Variants in NFATC4 observed in about 807,000 individuals in gnomAD.
NFATC4 encodes the protein nuclear factor of activated T-cells, cytoplasmic 4.
In NFATC4, 25 loss-of-function variants were observed where a neutral mutation model predicts 73.4. The ratio of observed to expected loss-of-function variants is 0.34; its 90% confidence interval spans 0.25 to 0.48. The LOEUF is 0.48. Ranked by LOEUF, NFATC4 falls within the 20% of genes least tolerant of loss-of-function variation. The pLI, the probability that NFATC4 is intolerant of heterozygous loss-of-function variation, is 0.99. For missense variants in NFATC4, 1,130 were observed against 1,203.7 expected, an observed-to-expected ratio of 0.94 and a Z score of 0.91; for synonymous variants, 523 against 510.3, an observed-to-expected ratio of 1.02 and a Z score of -0.34.
In NFATC4 at chr14:24,369,986, C is replaced by T. The variant is rs1244851222; in HGVS notation, c.588C>T (p.Asp196=). 2 of 1,612,912 alleles carry T rather than the reference C, an allele frequency of 1.2e-6. No individual in the cohort carries two copies. Among genetic ancestry groups the T allele is most frequent in the South Asian group, 1.1e-5 (1 of 91,092 alleles). Residue 196 remains aspartate (D), a synonymous_variant, in exon 2 of 10, where the codon GAC becomes GAT. Transcript: ENST00000250373. ...SDEAALYAAC[D]EVESELNEAA... ...AGGCAGCCCTGTATGCAGCCTGCGA[C>T]GAGGTGGAGTCTGAGCTAAATGAGG...
Position 24,376,869 on chromosome 14 carries a change from C to T in NFATC4, c.2632C>T (p.Leu878=), listed in dbSNP as rs1225093590. Residue 878 remains leucine, a synonymous_variant, in exon 9 of 10, where the codon CTG becomes TTG. Transcript: ENST00000250373. This position sits in a 1 kb window ranked among gnomAD's most constrained non-coding sequence, Gnocchi z 5.0. The part of the protein sequence containing the change: ...RDSVPIQGIT[L]EEVSEIIGRD... Reference sequence around the variant, plus strand: ...CAGTGTCCCTATCCAGGGTATCACGCTGGAGGAAGGTGGGTGTGGGACTGG... The same window carrying T: ...CAGTGTCCCTATCCAGGGTATCACGTTGGAGGAAGGTGGGTGTGGGACTGG... 1.3e-6 allele frequency: 2 copies of T among 1,564,570 alleles called. No homozygotes were observed. The highest frequency in any genetic ancestry group is 2.4e-5 in the South Asian group (2 of 82,756).
Position 24,378,283 on chromosome 14 carries a change from TG to T in NFATC4, c.*583del, listed in dbSNP as rs1418440440. Reference sequence around the variant, plus strand: ...GAGTAGGCCTCTCCACTCTCCTCCTTGGGGGTCCAGATTCCTTAGGAGCTTT... The same window carrying T: ...GAGTAGGCCTCTCCACTCTCCTCCTTGGGGTCCAGATTCCTTAGGAGCTTT... On this transcript the variant is annotated 3_prime_UTR_variant, in exon 10 of 10. Coordinates refer to ENST00000250373, the MANE Select transcript of NFATC4 (RefSeq NM_004554.5). 28 of 157,470 alleles carry T rather than the reference TG, an allele frequency of 1.8e-4. No homozygotes were observed. The highest frequency in any genetic ancestry group is 3.1e-4 in the Non-Finnish European group (22 of 70,530). The allele number at this position is 157,470 out of a possible 1,614,324, so 9.8% of individuals were successfully genotyped here. A position where few individuals can be genotyped will look rare whatever the true frequency, so the allele number is the denominator to read the frequency against.
Position 24,373,496 on chromosome 14 carries a change from G to C in NFATC4, c.1559+126G>C. On this transcript the variant is annotated intron_variant, in intron 4 of 9. Transcript: ENST00000250373. This position sits in a 1 kb window ranked among gnomAD's most constrained non-coding sequence, Gnocchi z 4.7. ...CATTTTTCCTAGGAGCTGGCTTCAG[G>C]CCTACCCACCATCTGGAAGAGGACT... 1 of 1,381,044 alleles carries C rather than the reference G, an allele frequency of 7.2e-7. No individual in the cohort carries two copies. Among genetic ancestry groups the C allele is most frequent in the Non-Finnish European group, 9.9e-7 (1 of 1,010,076 alleles). 85.5% of individuals were successfully genotyped at this position (1,381,044 alleles called of 1,614,324 possible). A position where few individuals can be genotyped will look rare whatever the true frequency, so the allele number is the denominator to read the frequency against.
Position 24,379,417 on chromosome 14 carries a change from G to A in NFATC4, c.*1712G>A, listed in dbSNP as rs1444046576. On this transcript the variant is annotated 3_prime_UTR_variant, in exon 10 of 10. Transcript: ENST00000250373. ...TCTGAGAGAGGGTGGATCAGCCTCT[G>A]TGTAAACAAAAAGCTGTTAGGACTT... 2.6e-5 allele frequency: 4 copies of A among 152,144 alleles called. No individual in the cohort carries two copies. Among genetic ancestry groups the A allele is most frequent in the African/African-American group, 9.7e-5 (4 of 41,398 alleles). The allele number at this position is 152,144 out of a possible 1,614,324, so 9.4% of individuals were successfully genotyped here.
At chr14:24,367,153 C>T, upstream of NFATC4, 2 of 1,613,954 alleles carry the variant, frequency 1.2e-6, no homozygotes, top group South Asian at 2.2e-5. Context: ...ACAACCCAGG[C>T]CTCTCCAAGC....
At chr14:24,372,688 C>A in intron 3 of NFATC4, 85 bp downstream of exon 3, 1 of 1,538,560 alleles carries the variant, frequency 6.5e-7, no homozygotes, top group Non-Finnish European at 8.9e-7. Context: ...TGCCCTTTCC[C>A]ACACTCCCTC....
Position 24,376,891 on chromosome 14 carries a change from C to CT in NFATC4, c.2641+14dup, listed in dbSNP as rs545800363. The CT allele has an allele frequency of 2.7e-4, 412 of 1,541,666 alleles. 5 individuals carry two copies. The South Asian group carries it at 4.5e-3, about 17-fold the overall frequency. On this transcript the variant is annotated intron_variant, in intron 9 of 9. Transcript: ENST00000250373. The surrounding 1 kb of genome is among the most constrained non-coding windows in gnomAD (Gnocchi z 5.0). ...ACGCTGGAGGAAGGTGGGTGTGGGA[C>CT]TGGGGGCTGTGAGTGTGAGTGTGTG...
chr14:24,367,420 G>T (rs916363727), upstream of NFATC4: 4 of 1,535,534 alleles, frequency 2.6e-6, no homozygotes, highest in Admixed American at 2.0e-5. Flanking sequence ...GCTAATTCAC[G>T]GCCCCTCTGG....
At chr14:24,368,571 A>C in intron 1 of NFATC4, 131 bp downstream of exon 1, 5 of 762,732 alleles carry the variant, frequency 6.6e-6, no homozygotes, top group Non-Finnish European at 6.3e-6. Flanking sequence ...AGTCGGGGGG[A>C]CTCGTTGGCC....
upstream of NFATC4, chr14:24,367,086 C>T (rs566132815): frequency 1.2e-6 from 2 of 1,613,922 alleles, no homozygotes; most frequent in South Asian, 2.2e-5. Context: ...CTCCTACCCG[C>T]CAGCCTCGCC....
chr14:24,376,378 A>G lies in NFATC4; in HGVS notation c.2141A>G (p.Asp714Gly), dbSNP rs74036618. 2.4e-4 allele frequency: 383 copies of G among 1,612,304 alleles called. 1 individual carries two copies. In the African/African-American group the frequency reaches 4.8e-3, roughly 20 times the overall value. Residue 714 changes from aspartate (D) to glycine (G), a missense_variant, in exon 9 of 10, where the codon GAC becomes GGC. Physicochemically the swap from Asp to Gly is moderately conservative, Grantham distance 94 (BLOSUM62 -1). Transcript: ENST00000250373. This position sits in a 1 kb window ranked among gnomAD's most constrained non-coding sequence, Gnocchi z 5.0. Reference sequence around the variant, plus strand: ...GCAACCCCCTTTGGCACTGACATGGACTTCTCACCACCCAGGCCCCCCTAC... The same window carrying G: ...GCAACCCCCTTTGGCACTGACATGGGCTTCTCACCACCCAGGCCCCCCTAC... The part of the protein sequence containing the change: ...ASATPFGTDM[D>G]FSPPRPPYPS...
In NFATC4 at chr14:24,376,272, C is replaced by T. The variant is rs377606452; in HGVS notation, c.2057-22C>T. 6.4e-7 allele frequency: 1 copy of T among 1,557,684 alleles called. No individual in the cohort carries two copies. Among genetic ancestry groups the T allele is most frequent in the Non-Finnish European group, 8.7e-7 (1 of 1,151,674 alleles). ...CTACCAGACCTCTCACCAGCATGTC[C>T]TCCCACTTCCTGTCTTCCCAGTGAT... On this transcript the variant is annotated intron_variant, in intron 8 of 9. Transcript: ENST00000250373. The surrounding 1 kb of genome is among the most constrained non-coding windows in gnomAD (Gnocchi z 5.0).
chr14:24,377,532 A>G lies in NFATC4; in HGVS notation c.2642-106A>G. The G allele has an allele frequency of 2.5e-6, 4 of 1,569,276 alleles. No individual in the cohort carries two copies. Among genetic ancestry groups the G allele is most frequent in the East Asian group, 2.3e-5 (1 of 43,840 alleles). ...ATAGAAGCCAGTAGAGGAGGAATCT[A>G]GAGGCCTCCTAGATTAAGACCTGCC... On this transcript the variant is annotated intron_variant, in intron 9 of 9. Coordinates refer to ENST00000250373, the MANE Select transcript of NFATC4 (RefSeq NM_004554.5). This position sits in a 1 kb window ranked among gnomAD's most constrained non-coding sequence, Gnocchi z 4.2.
intron 6 of NFATC4, 77 bp downstream of exon 6, chr14:24,374,543 C>G (rs1034289106): frequency 1.1e-5 from 16 of 1,439,440 alleles, no homozygotes; most frequent in Admixed American, 2.1e-5. Flanking sequence ...GGCATTGTCA[C>G]TAAACTGGCC....
At chr14:24,369,023 A>T in intron 1 of NFATC4, 1 of 1,249,114 alleles carries the variant, frequency 8.0e-7, no homozygotes, top group Non-Finnish European at 1.0e-6. Context: ...TGGCGAGGAG[A>T]GAGGGAGGAG....
rs568205566 is a variant in NFATC4, at chr14:24,376,652, C to G, written c.2415C>G (p.Phe805Leu). The G allele has an allele frequency of 6.2e-7, 1 of 1,613,438 alleles. No homozygotes were observed. The highest frequency in any genetic ancestry group is 1.3e-5 in the African/African-American group (1 of 74,988). ...CCTCTTTCTCCCTGGGGCTGCCATT[C>G]TCTCCGCCAGCCCCCTTTCGGCCGC... ...RGSSFSLGLP[F>L]SPPAPFRPPP... is the part of the protein sequence containing the mutation. The change falls in exon 9 of 10, where the codon TTC becomes TTG. Residue 805 changes from phenylalanine (F) to leucine (L), a missense_variant. Transcript: ENST00000250373. The surrounding 1 kb of genome is among the most constrained non-coding windows in gnomAD (Gnocchi z 5.0).
chr14:24,377,807 C>A lies in NFATC4; in HGVS notation c.*102C>A. 1 of 1,586,788 alleles carries A rather than the reference C, an allele frequency of 6.3e-7. No homozygotes were observed. The highest frequency in any genetic ancestry group is 8.6e-7 in the Non-Finnish European group (1 of 1,165,180). On this transcript the variant is annotated 3_prime_UTR_variant, in exon 10 of 10. Transcript: ENST00000250373. The surrounding 1 kb of genome is among the most constrained non-coding windows in gnomAD (Gnocchi z 4.2). Reference sequence around the variant, plus strand: ...TGGCTACAGAAGCTTGGGGCCAACCCTGGCTCCTCTTTCCCCAGCTTCTGT... The same window carrying A: ...TGGCTACAGAAGCTTGGGGCCAACCATGGCTCCTCTTTCCCCAGCTTCTGT...
At chr14:24,368,005 T>TTG, upstream of NFATC4, 1 of 893,822 alleles carries the variant, frequency 1.1e-6, no homozygotes, top group Non-Finnish European at 1.3e-6. Context: ...TTTTTTTTTT[T>TTG]GAGGGGGAGG....
chr14:24,367,559 G>A (rs553744622), upstream of NFATC4: 29 of 1,536,190 alleles, frequency 1.9e-5, no homozygotes, highest in South Asian at 2.7e-4. Flanking sequence ...CTGGCTAAGC[G>A]TTCTTCATCT....
Sources: gnomAD v4.1 joint callset for allele counts on GRCh38, gnomAD v4.1.1 for gene constraint, Gnocchi (gnomAD v3.1) non-coding constraint, MANE v1.5 for transcripts, NCBI Gene and HGNC (gene_info 2026-07-23, HGNC 2026-07-21) for gene names.